Variants in CLIP1 observed in about 807,000 individuals in gnomAD.
CLIP1 encodes the protein CAP-Gly domain-containing linker protein 1.
Under a neutral mutation model 161.6 loss-of-function variants are expected in CLIP1, and 66 were observed. That is an observed-to-expected ratio of 0.41 (90% CI 0.33 to 0.50). CLIP1 has a LOEUF of 0.50. Ranked by LOEUF, CLIP1 falls within the 20% of genes least tolerant of loss-of-function variation. The pLI is 0.27. For synonymous variants in CLIP1, 598 were observed against 626.2 expected (o/e 0.96, Z 0.67); for missense variants, 1,376 against 1,702.0 (o/e 0.81, Z 3.37).
intron 21 of CLIP1, among the ~76,000 whole-genome samples, chr12:122,284,416 G>C (rs982059994): frequency 1.5e-4 from 23 of 151,562 alleles, no homozygotes; most frequent in African/African-American, 5.6e-4. Context: ...GCAATGGCGC[G>C]ATCTCGGCGC....
At chr12:122,386,240 C>T (rs1955254902) in intron 1 of CLIP1, among the ~76,000 whole-genome samples, 1 of 150,810 alleles carries the variant, frequency 6.6e-6, no homozygotes, top group South Asian at 2.1e-4. Context: ...GAGCCGAGAT[C>T]ACACCACTGC....
rs554111438 is a variant in CLIP1, at chr12:122,390,893, A to G, written c.-106-10335T>C. Among the ~76,000 whole-genome samples the G allele has an allele frequency of 3.9e-5, 6 of 152,270 alleles. No individual in the cohort carries two copies. The East Asian group carries it at 1.2e-3, about 29-fold the overall frequency. On this transcript the variant is annotated intron_variant, in intron 1 of 25. Coordinates refer to ENST00000620786, the MANE Select transcript of CLIP1 (RefSeq NM_001247997.2). ...TGCTTGTACTCCCTCGAATATGAGAAGCAGGGAGATCTACTTCAAAGCCCC... is the reference window on the plus strand; with the variant it reads ...TGCTTGTACTCCCTCGAATATGAGAGGCAGGGAGATCTACTTCAAAGCCCC...
chr12:122,345,313 C>T (rs1952693758), intron 10 of CLIP1, among the ~76,000 whole-genome samples: 1 of 137,806 alleles, frequency 7.3e-6, no homozygotes, highest in African/African-American at 2.6e-5. Flanking sequence ...GTAGCCACCA[C>T]ACCCAGCTAA....
chr12:122,354,664 T>A, intron 6 of CLIP1, 108 bp from the exon 7 acceptor site: 1 of 770,600 alleles, frequency 1.3e-6, no homozygotes, highest in Non-Finnish European at 2.2e-6. Flanking sequence ...GGCGTTACTC[T>A]AAAACCTTAT....
intron 10 of CLIP1, 69 bp from the exon 11 acceptor site, chr12:122,341,766 T>TC: frequency 1.0e-5 from 2 of 199,432 alleles, no homozygotes; most frequent in Non-Finnish European, 6.3e-6. Context: ...TCTTTTCTTT[T>TC]TTTTTTTTTT....
At chr12:122,387,115 C>T (rs1203502077) in intron 1 of CLIP1, among the ~76,000 whole-genome samples, 1 of 152,096 alleles carries the variant, frequency 6.6e-6, no homozygotes, top group East Asian at 1.9e-4. Flanking sequence ...TGGTCTTGAA[C>T]TCCTGGGCCC....
At chr12:122,417,808 G>A (rs556209752) in intron 1 of CLIP1, among the ~76,000 whole-genome samples, 7 of 152,102 alleles carry the variant, frequency 4.6e-5, no homozygotes, top group East Asian at 1.9e-4. Context: ...TACCGCGCCC[G>A]GCCAAATTAT....
At chr12:122,292,646 T>G (rs1382564062) in intron 20 of CLIP1, among the ~76,000 whole-genome samples, 1 of 152,192 alleles carries the variant, frequency 6.6e-6, no homozygotes, top group Non-Finnish European at 1.5e-5. Flanking sequence ...TTGTTACTTC[T>G]AAGCCCTGTC....
chr12:122,324,969 T>A, intron 17 of CLIP1, among the ~76,000 whole-genome samples: 1 of 142,074 alleles, frequency 7.0e-6, no homozygotes, highest in South Asian at 2.2e-4. Flanking sequence ...AAAGGAATAG[T>A]TTTTTTTTTT....
intron 10 of CLIP1, among the ~76,000 whole-genome samples, chr12:122,346,498 T>TTTTTGTTTTG (rs1049283133): frequency 2.6e-5 from 4 of 152,094 alleles, no homozygotes; most frequent in African/African-American, 9.7e-5. Context: ...ACTGAGGGTT[T>TTTTTGTTTTG]TTTTGTTTTG....
rs534468862 is a variant in CLIP1 at position 122,300,258 on chromosome 12, A to G, written c.3594+9504T>C. ...GTACTCCAGCCTGGGTGGCAGAGAA[A>G]GACATCATCGAAAATAAAAGAAAAA... On this transcript the variant is annotated intron_variant, in intron 20 of 25. Transcript: ENST00000620786. 5.9e-5 allele frequency among the ~76,000 whole-genome samples: 9 copies of G among 152,348 alleles called. No homozygotes were observed. The South Asian group carries it at 1.7e-3, about 28-fold the overall frequency.
At chr12:122,281,944 G>C (rs1955665366) in intron 21 of CLIP1, among the ~76,000 whole-genome samples, 1 of 152,104 alleles carries the variant, frequency 6.6e-6, no homozygotes, top group Admixed American at 6.6e-5. Flanking sequence ...CAGATGCTTA[G>C]TGCTGGGGAG....
At chr12:122,393,572 T>C (rs969970079) in intron 1 of CLIP1, among the ~76,000 whole-genome samples, 1 of 152,204 alleles carries the variant, frequency 6.6e-6, no homozygotes, top group African/African-American at 2.4e-5. Context: ...GGCATACACC[T>C]AGTGGACCCA....
chr12:122,273,152 G>C (rs1955242049), intron 25 of CLIP1, 52 bp from the exon 26 acceptor site: 2 of 1,502,534 alleles, frequency 1.3e-6, no homozygotes, highest in South Asian at 2.4e-5. Flanking sequence ...AAACTGAAGA[G>C]ACAAGAACAC....
intron 25 of CLIP1, 21 bp downstream of exon 25, chr12:122,274,017 G>A: frequency 6.2e-7 from 1 of 1,611,686 alleles, no homozygotes; most frequent in East Asian, 2.2e-5. Flanking sequence ...ATAGCAATCA[G>A]TATGTCTTCA....
At chr12:122,314,902 T>C (rs1302496425) in intron 19 of CLIP1, among the ~76,000 whole-genome samples, 2 of 152,216 alleles carry the variant, frequency 1.3e-5, no homozygotes, top group African/African-American at 4.8e-5. Flanking sequence ...GCCAAGGAAA[T>C]TGAAGCCTCC....
At chr12:122,421,216 G>A (rs1956928933) in intron 1 of CLIP1, among the ~76,000 whole-genome samples, 1 of 151,584 alleles carries the variant, frequency 6.6e-6, no homozygotes, top group South Asian at 2.1e-4. Flanking sequence ...AGCTAGCCCA[G>A]AGCCTGGCCA....
chr12:122,371,261 C>G (rs1041108034), intron 3 of CLIP1, among the ~76,000 whole-genome samples: 1 of 152,140 alleles, frequency 6.6e-6, no homozygotes, highest in Non-Finnish European at 1.5e-5. Flanking sequence ...AAACCTCCCT[C>G]TCCCCAAGTC....
At chr12:122,336,490 T>A (rs2136302879) in intron 12 of CLIP1, 142 bp downstream of exon 12, 1 of 587,090 alleles carries the variant, frequency 1.7e-6, no homozygotes, top group East Asian at 2.8e-5. Context: ...GGACAATATT[T>A]ATCAGCCAAT....
Sources: gnomAD v4.1 joint callset for allele counts (sites outside exome capture counted in the v4.1 genomes callset) on GRCh38, gnomAD v4.1.1 for gene constraint, MANE v1.5 for transcripts, NCBI Gene and HGNC (gene_info 2026-07-23, HGNC 2026-07-21) for gene names.